ZFR: variants seen among roughly 807,000 people sequenced by gnomAD.
The protein encoded by ZFR is zinc finger RNA binding protein.
In ZFR, 19 loss-of-function variants were observed where a neutral mutation model predicts 130.7. The ratio of observed to expected loss-of-function variants is 0.15; its 90% confidence interval spans 0.10 to 0.21. ZFR has a LOEUF of 0.21. Ranked by LOEUF, ZFR falls within the 10% of genes least tolerant of loss-of-function variation. The pLI, the probability that ZFR is intolerant of heterozygous loss-of-function variation, is 1.00. For missense variants in ZFR, 872 were observed against 1,321.5 expected (o/e 0.66, Z 5.27); for synonymous variants, 466 against 456.9 (o/e 1.02, Z -0.25).
intron 2 of ZFR, among the ~76,000 whole-genome samples, chr5:32,443,963 G>A (rs1195464827): frequency 1.3e-5 from 2 of 151,980 alleles, no homozygotes; most frequent in Non-Finnish European, 2.9e-5. Context: ...GGCCGCTGAA[G>A]GGCCCTGAGG....
Position 32,355,482 on chromosome 5 carries a change from G to T in ZFR, c.*278C>A, listed in dbSNP as rs912160197. On this transcript the variant is annotated 3_prime_UTR_variant, in exon 20 of 20. Coordinates refer to ENST00000265069, the MANE Select transcript of ZFR (RefSeq NM_016107.5). ...TAGTTAATAAAAGACACAAAAATAG[G>T]GGGGGAAGCTAGGGCAACCAGAAAA... 1.3e-5 allele frequency: 3 copies of T among 228,052 alleles called. No homozygotes were observed. The highest frequency in any genetic ancestry group is 5.7e-5 in the Admixed American group (1 of 17,638). 14.1% of individuals were successfully genotyped at this position (228,052 alleles called of 1,614,324 possible). A position where few individuals can be genotyped will look rare whatever the true frequency, so the allele number is the denominator to read the frequency against.
chr5:32,415,517 C>CGT (rs1561908415), intron 4 of ZFR, among the ~76,000 whole-genome samples: 8 of 93,240 alleles, frequency 8.6e-5, no homozygotes, highest in African/African-American at 1.6e-4. Flanking sequence ...TGTGTGTGTG[C>CGT]GCGCGCGCGC....
At position 32,379,215 on chromosome 5, in the gene ZFR, A is replaced by C. The variant is rs758305693; in HGVS notation, c.2740-5T>G. On this transcript the variant is annotated splice_polypyrimidine_tract_variant and splice_region_variant and intron_variant, in intron 16 of 19. Coordinates refer to ENST00000265069, the MANE Select transcript of ZFR (RefSeq NM_016107.5). ...CTGCAGACCATTAGCTCTAGCCTTG[A>C]GAGCAACATAAAAACCAATTGAATT... 6.2e-7 allele frequency: 1 copy of C among 1,612,178 alleles called. No homozygotes were observed. The highest frequency in any genetic ancestry group is 1.3e-5 in the African/African-American group (1 of 75,006).
intron 14 of ZFR, among the ~76,000 whole-genome samples, chr5:32,386,401 T>G (rs779890875): frequency 2.0e-5 from 3 of 152,168 alleles, no homozygotes; most frequent in African/African-American, 7.2e-5. Flanking sequence ...TCCACTTATA[T>G]AGGTGGGTTT....
intron 4 of ZFR, among the ~76,000 whole-genome samples, chr5:32,416,554 C>T (rs894442906): frequency 4.2e-5 from 6 of 142,582 alleles, no homozygotes; most frequent in South Asian, 2.2e-4. Flanking sequence ...GTGGAGGTTG[C>T]GGTGAGCCAA....
intron 16 of ZFR, chr5:32,379,491 T>TAAAA (rs10637155): frequency 2.2e-5 from 5 of 226,180 alleles, no homozygotes; most frequent in African/African-American, 4.7e-5. Context: ...ACAGTAAACT[T>TAAAA]AAAAAAAAAA....
At chr5:32,393,139 G>C (rs914154414) in intron 11 of ZFR, among the ~76,000 whole-genome samples, 1 of 152,150 alleles carries the variant, frequency 6.6e-6, no homozygotes, top group Non-Finnish European at 1.5e-5. Context: ...GCTGCCTTCT[G>C]TTAAAACCAG....
At chr5:32,399,460 G>A (rs1384848494) in intron 9 of ZFR, among the ~76,000 whole-genome samples, 2 of 152,124 alleles carry the variant, frequency 1.3e-5, no homozygotes, top group African/African-American at 4.8e-5. Flanking sequence ...GTAGTCATAT[G>A]CCACTGTATG....
chr5:32,360,866 A>G (rs1268702606), intron 19 of ZFR, among the ~76,000 whole-genome samples: 1 of 152,076 alleles, frequency 6.6e-6, no homozygotes, highest in Non-Finnish European at 1.5e-5. Flanking sequence ...TGTTCGGATT[A>G]CAGGCATGAG....
chr5:32,384,577 C>A (rs1283496637), intron 15 of ZFR, among the ~76,000 whole-genome samples: 1 of 151,912 alleles, frequency 6.6e-6, no homozygotes, highest in Non-Finnish European at 1.5e-5. Context: ...TATGTAGTAC[C>A]CTCTTCCTCC....
intron 2 of ZFR, among the ~76,000 whole-genome samples, chr5:32,434,420 G>T (rs112235029): frequency 6.6e-6 from 1 of 152,146 alleles, no homozygotes; most frequent in Non-Finnish European, 1.5e-5. Context: ...TCCTTTGCTG[G>T]TATGGGCAGA....
chr5:32,379,027 G>C, intron 17 of ZFR, 88 bp downstream of exon 17: 2 of 970,672 alleles, frequency 2.1e-6, no homozygotes, highest in South Asian at 3.1e-5. Context: ...ATGCAAATAA[G>C]GCTGATAATT....
At chr5:32,413,293 T>C (rs765431534) in intron 5 of ZFR, among the ~76,000 whole-genome samples, 31 of 152,088 alleles carry the variant, frequency 2.0e-4, no homozygotes, top group Admixed American at 4.6e-4. Flanking sequence ...GGTATATATC[T>C]ATACTTAGTG....
At chr5:32,424,815 A>C (rs940577355) in intron 2 of ZFR, among the ~76,000 whole-genome samples, 6 of 152,220 alleles carry the variant, frequency 3.9e-5, no homozygotes, top group Non-Finnish European at 7.3e-5. Flanking sequence ...AAGTTTTAGA[A>C]TCAATCTAAA....
At chr5:32,414,252 T>G (rs1016233995) in intron 5 of ZFR, among the ~76,000 whole-genome samples, 1 of 152,194 alleles carries the variant, frequency 6.6e-6, no homozygotes, top group Non-Finnish European at 1.5e-5. Flanking sequence ...GAGTAAGAGA[T>G]AAGAAATCTC....
At chr5:32,438,451 C>T (rs908891035) in intron 2 of ZFR, among the ~76,000 whole-genome samples, 15 of 151,786 alleles carry the variant, frequency 9.9e-5, no homozygotes, top group African/African-American at 3.1e-4. Flanking sequence ...TTAGTAGAGA[C>T]GGGGTTTCTC....
intron 2 of ZFR, among the ~76,000 whole-genome samples, chr5:32,421,442 C>T (rs1340957244): frequency 6.6e-6 from 1 of 152,088 alleles, no homozygotes; most frequent in East Asian, 1.9e-4. Flanking sequence ...AAATTTGGGG[C>T]TATCATATTT....
intron 6 of ZFR, among the ~76,000 whole-genome samples, chr5:32,404,583 A>C (rs1753538000): frequency 6.6e-6 from 1 of 152,240 alleles, no homozygotes; most frequent in Admixed American, 6.5e-5. Flanking sequence ...ATTTTGACAT[A>C]GAATCTGTAT....
At chr5:32,412,359 C>A (rs956672011) in intron 5 of ZFR, among the ~76,000 whole-genome samples, 1 of 152,180 alleles carries the variant, frequency 6.6e-6, no homozygotes, top group Non-Finnish European at 1.5e-5. Context: ...GGACATTCTA[C>A]AAGACAACTG....
Sources: gnomAD v4.1 joint callset for allele counts (sites outside exome capture counted in the v4.1 genomes callset) on GRCh38, gnomAD v4.1.1 for gene constraint, MANE v1.5 for transcripts, NCBI Gene and HGNC (gene_info 2026-07-23, HGNC 2026-07-21) for gene names.